Variants in TAF12 observed in about 807,000 individuals in gnomAD.
TAF12 encodes the protein transcription initiation factor TFIID subunit 12.
TAF12 carries 3 observed loss-of-function variants against 20.8 expected under a neutral mutation model. The ratio of observed to expected loss-of-function variants is 0.14; its 90% CI spans 0.07 to 0.37. TAF12 has a LOEUF of 0.37. TAF12 is among the 10% of genes least tolerant of loss of function. TAF12 has a pLI of 1.00. For synonymous variants in TAF12, 69 were observed against 70.2 expected (o/e 0.98, Z 0.09); for missense variants, 131 against 197.9 (o/e 0.66, Z 2.03).
intron 1 of TAF12, among the ~76,000 whole-genome samples, chr1:28,625,833 G>A (rs879607040): frequency 4.0e-5 from 6 of 150,646 alleles, no homozygotes; most frequent in Middle Eastern, 3.2e-3. Context: ...GAGCCACCGC[G>A]CCTGGCCCCA....
At chr1:28,627,112 T>C (rs1570321671) in intron 1 of TAF12, among the ~76,000 whole-genome samples, 1 of 152,082 alleles carries the variant, frequency 6.6e-6, no homozygotes, top group East Asian at 1.9e-4. Context: ...GGAGGCTGGG[T>C]GCAGTGGCTC....
chr1:28,646,335 C>T (rs1177544360), upstream of TAF12: 1 of 152,126 alleles, frequency 6.6e-6, no homozygotes, highest in African/African-American at 2.4e-5. Context: ...CAATTGACAG[C>T]ACCATCTCTG....
chr1:28,628,932 C>G (rs553346953), intron 1 of TAF12, among the ~76,000 whole-genome samples: 2 of 152,178 alleles, frequency 1.3e-5, no homozygotes, highest in African/African-American at 2.4e-5. Flanking sequence ...ATTAACCAGG[C>G]GCGTTGGCGG....
rs1223394251 is a variant in TAF12, at chr1:28,635,050, T to C, written c.-85+7942A>G. ...CCATCCTGGCTAACAGGGTGAAACC[T>C]CACCTCTACTAAAAAAAAAAATACA... On this transcript the variant is annotated intron_variant, in intron 1 of 5. Coordinates refer to ENST00000373824, the MANE Select transcript of TAF12 (RefSeq NM_005644.4). 7.4e-5 allele frequency among the ~76,000 whole-genome samples: 11 copies of C among 148,510 alleles called. No individual in the cohort carries two copies. In the Admixed American group the frequency reaches 7.5e-4, roughly 10 times the overall value.
intron 4 of TAF12, among the ~76,000 whole-genome samples, chr1:28,608,341 T>G (rs1666740133): frequency 6.7e-6 from 1 of 150,186 alleles, no homozygotes; most frequent in African/African-American, 2.5e-5. Context: ...CAAGGCTCCA[T>G]CTCAAAAAAA....
chr1:28,626,572 ACT>A (rs1300535521), intron 1 of TAF12, among the ~76,000 whole-genome samples: 2 of 141,780 alleles, frequency 1.4e-5, no homozygotes, highest in Non-Finnish European at 3.1e-5. Flanking sequence ...CAAGAGTGAA[ACT>A]CTGTCTCAAA....
At chr1:28,641,585 GGAGTTT>G (rs1335418915) in intron 1 of TAF12, among the ~76,000 whole-genome samples, 4 of 152,130 alleles carry the variant, frequency 2.6e-5, no homozygotes, top group African/African-American at 7.2e-5. Context: ...CTTGAGCTTA[GGAGTTT>G]GAGACCAGCC....
rs780131084 is a variant in TAF12, at chr1:28,603,520, T to C, written c.*19A>G. On this transcript the variant is annotated 3_prime_UTR_variant, in exon 6 of 6. Coordinates refer to ENST00000373824, the MANE Select transcript of TAF12 (RefSeq NM_005644.4). ...TATCTCCAAATACATTGCTGTCCAT[T>C]CCCTGACCTTTCCGTGTGTTATTTC... 1 of 1,613,756 alleles carries C rather than the reference T, an allele frequency of 6.2e-7. No individual in the cohort carries two copies. The highest frequency in any genetic ancestry group is 1.7e-5 in the Admixed American group (1 of 60,020).
intron 1 of TAF12, chr1:28,624,084 T>C (rs1667305252): frequency 2.4e-6 from 2 of 848,004 alleles, no homozygotes; most frequent in East Asian, 1.2e-4. Context: ...ACCATTTTAG[T>C]TGAATGGCCT....
intron 1 of TAF12, among the ~76,000 whole-genome samples, chr1:28,627,997 C>T (rs533615955): frequency 3.2e-4 from 49 of 151,956 alleles, no homozygotes; most frequent in African/African-American, 1.1e-3. Flanking sequence ...ATACAACTGT[C>T]GAACTCCTCC....
At chr1:28,607,017 T>C (rs1236749756) in intron 4 of TAF12, among the ~76,000 whole-genome samples, 1 of 152,218 alleles carries the variant, frequency 6.6e-6, no homozygotes, top group Non-Finnish European at 1.5e-5. Flanking sequence ...CTGGATATTA[T>C]CTTCCTTATA....
At chr1:28,614,065 C>T (rs1287796650) in intron 3 of TAF12, among the ~76,000 whole-genome samples, 3 of 151,748 alleles carry the variant, frequency 2.0e-5, no homozygotes, top group Admixed American at 6.6e-5. Flanking sequence ...TGGTGAAACC[C>T]TGTCTCTACT....
chr1:28,633,463 C>T (rs968885913), intron 1 of TAF12, among the ~76,000 whole-genome samples: 5 of 149,014 alleles, frequency 3.4e-5, no homozygotes, highest in Admixed American at 6.7e-5. Context: ...ACACTGTATC[C>T]AACCGAAAAT....
intron 1 of TAF12, among the ~76,000 whole-genome samples, chr1:28,626,707 G>A (rs1667408595): frequency 6.6e-6 from 1 of 151,748 alleles, no homozygotes. Flanking sequence ...TCAGGAGTTC[G>A]AGACCGGCCT....
At chr1:28,626,700 G>A (rs756160035) in intron 1 of TAF12, among the ~76,000 whole-genome samples, 11 of 151,974 alleles carry the variant, frequency 7.2e-5, no homozygotes, top group South Asian at 2.1e-4. Flanking sequence ...CCTGAGATCA[G>A]GAGTTCGAGA....
intron 1 of TAF12, among the ~76,000 whole-genome samples, chr1:28,639,620 A>G (rs1364609078): frequency 6.6e-6 from 1 of 152,136 alleles, no homozygotes; most frequent in Non-Finnish European, 1.5e-5. Flanking sequence ...CATTAATTAA[A>G]CCATCAAGTA....
intron 4 of TAF12, among the ~76,000 whole-genome samples, chr1:28,609,773 C>T (rs1387758641): frequency 2.6e-5 from 4 of 152,110 alleles, no homozygotes; most frequent in Non-Finnish European, 5.9e-5. Context: ...AGGCGTGAGC[C>T]ACCGTGTCTG....
In TAF12 at chr1:28,622,151, A is replaced by C. The variant is rs1017169367; in HGVS notation, c.-70T>G. 11 of 1,527,228 alleles carry C rather than the reference A, an allele frequency of 7.2e-6. No homozygotes were observed. In the African/African-American group the frequency reaches 1.1e-4, roughly 16 times the overall value. The allele number at this position is 1,527,228 out of a possible 1,614,324, so 94.6% of individuals were successfully genotyped here. On this transcript the variant is annotated 5_prime_UTR_variant, in exon 2 of 6. Coordinates refer to ENST00000373824, the MANE Select transcript of TAF12 (RefSeq NM_005644.4). ...CCTGTTTCTTTTTGGAGCTGTGAGG[A>C]CCAAGGCCAATTAACTGGAGAAGAA...
At chr1:28,605,961 A>G (rs953864713) in intron 4 of TAF12, among the ~76,000 whole-genome samples, 13 of 151,800 alleles carry the variant, frequency 8.6e-5, no homozygotes, top group African/African-American at 3.1e-4. Flanking sequence ...CCTCCTGAGT[A>G]GCTGGGATTA....
Sources: allele counts gnomAD v4.1 joint callset (sites outside exome capture counted in the v4.1 genomes callset), GRCh38; gene constraint gnomAD v4.1.1; transcripts MANE v1.5; gene names NCBI Gene and HGNC (gene_info 2026-07-23, HGNC 2026-07-21).